PDGFC: variants seen among roughly 807,000 people sequenced by gnomAD.
PDGFC encodes the protein platelet-derived growth factor C.
In PDGFC, 12 loss-of-function variants were observed where a neutral mutation model predicts 35.5. That is an observed-to-expected ratio of 0.34 (90% CI 0.22 to 0.55). The LOEUF (loss-of-function observed/expected upper bound fraction) is 0.55. PDGFC is among the 20% of genes least tolerant of loss of function. The pLI is 0.91. For synonymous variants in PDGFC, 159 were observed against 148.8 expected (o/e 1.07, Z -0.50); for missense variants, 322 against 412.4 (o/e 0.78, Z 1.90).
Position 156,971,770 on chromosome 4 carries a change from G to T in PDGFC, c.-867C>A, listed in dbSNP as rs1255469837. ...ACGCCTCGGGCTCCGCGCTAACCTC[G>T]GGGCTACGCGCGGCGTCTCCGCACG... On this transcript the variant is annotated 5_prime_UTR_variant, in exon 1 of 6. Coordinates refer to ENST00000502773, the MANE Select transcript of PDGFC (RefSeq NM_016205.3). Among the ~76,000 whole-genome samples, 1 of 151,950 alleles carries T rather than the reference G, an allele frequency of 6.6e-6. No individual in the cohort carries two copies. Among genetic ancestry groups the T allele is most frequent in the East Asian group, 1.9e-4 (1 of 5,164 alleles).
chr4:156,843,781 C>A (rs1729261907), intron 2 of PDGFC, among the ~76,000 whole-genome samples: 1 of 152,134 alleles, frequency 6.6e-6, no homozygotes, highest in Admixed American at 6.6e-5. Context: ...AAACCACCTA[C>A]CCTCCCCAGT....
At chr4:156,897,215 T>G (rs1730652667) in intron 1 of PDGFC, among the ~76,000 whole-genome samples, 1 of 152,122 alleles carries the variant, frequency 6.6e-6, no homozygotes, top group African/African-American at 2.4e-5. Flanking sequence ...AGTCTCACTT[T>G]TTTAGTAATT....
chr4:156,778,167 G>A, intron 3 of PDGFC: 1 of 356,688 alleles, frequency 2.8e-6, no homozygotes, highest in East Asian at 8.4e-5. Context: ...CCTGTGAGGT[G>A]AGCACTATTA....
chr4:156,875,427 T>G (rs1730089620), intron 1 of PDGFC, among the ~76,000 whole-genome samples: 1 of 152,154 alleles, frequency 6.6e-6, no homozygotes, highest in African/African-American at 2.4e-5. Flanking sequence ...AATATGACCA[T>G]CACTCATGTG....
At chr4:156,823,170 G>A (rs937957740) in intron 2 of PDGFC, among the ~76,000 whole-genome samples, 4 of 152,074 alleles carry the variant, frequency 2.6e-5, no homozygotes, top group Non-Finnish European at 5.9e-5. Context: ...TTTGGGAGAC[G>A]GAGCTGAGCA....
At chr4:156,957,962 G>A (rs1403360566) in intron 1 of PDGFC, among the ~76,000 whole-genome samples, 1 of 151,928 alleles carries the variant, frequency 6.6e-6, no homozygotes, top group Non-Finnish European at 1.5e-5. Flanking sequence ...ACGTGCAAAT[G>A]ATGCTCATCT....
At chr4:156,896,097 TATTA>T (rs1334795733) in intron 1 of PDGFC, among the ~76,000 whole-genome samples, 4 of 152,190 alleles carry the variant, frequency 2.6e-5, no homozygotes, top group South Asian at 2.1e-4. Flanking sequence ...GTTAATTAAA[TATTA>T]ATTAAAGTGA....
chr4:156,847,383 C>T (rs1729351330), intron 2 of PDGFC, among the ~76,000 whole-genome samples: 1 of 151,646 alleles, frequency 6.6e-6, no homozygotes. Context: ...GTAAGCATGA[C>T]AAAACATGTG....
rs2110780259 is a variant in PDGFC at position 156,763,186 on chromosome 4, C to G, written c.942G>C (p.Lys314Asn). ...KYHEVLQLRP[K>N]TGVRGLHKSL... The stretch of plus-strand genomic sequence containing the variant: ...ATTTGTGCAATCCCCTGACACCGGT[C>G]TTTGGTCTCAACTGAAGGACCTGAA... The change falls in exon 6 of 6, where the codon AAG (lysine) becomes AAC (asparagine). Residue 314 changes from lysine (K) to asparagine (N), a missense_variant. By Grantham distance (94) the Lys-to-Asn change is moderately conservative. Around this residue, in one of 2 missense-constraint regions of PDGFC, gnomAD observed 202 missense variants for 295.9 expected, o/e 0.68. Coordinates refer to ENST00000502773, the MANE Select transcript of PDGFC (RefSeq NM_016205.3). 1.2e-6 allele frequency: 2 copies of G among 1,606,474 alleles called. No homozygotes were observed. The highest frequency in any genetic ancestry group is 1.7e-6 in the Non-Finnish European group (2 of 1,173,180).
At chr4:156,776,196 C>G (rs1444920989) in intron 3 of PDGFC, among the ~76,000 whole-genome samples, 3 of 152,196 alleles carry the variant, frequency 2.0e-5, no homozygotes, top group African/African-American at 7.2e-5. Context: ...TCATTACAGA[C>G]TAATAGCATT....
At chr4:156,933,876 T>C (rs1731613904) in intron 1 of PDGFC, among the ~76,000 whole-genome samples, 1 of 152,156 alleles carries the variant, frequency 6.6e-6, no homozygotes, top group Non-Finnish European at 1.5e-5. Flanking sequence ...CACCTTTTGT[T>C]TTCTGCCACA....
intron 1 of PDGFC, among the ~76,000 whole-genome samples, chr4:156,924,901 C>A (rs1393246169): frequency 6.6e-6 from 1 of 152,106 alleles, no homozygotes; most frequent in Non-Finnish European, 1.5e-5. Flanking sequence ...AAAAGAGGCT[C>A]AAGCCAGGAA....
chr4:156,914,626 T>C (rs1355886092), intron 1 of PDGFC, among the ~76,000 whole-genome samples: 1 of 152,166 alleles, frequency 6.6e-6, no homozygotes, highest in Non-Finnish European at 1.5e-5. Flanking sequence ...TCTTTACCAG[T>C]TGATCCATGT....
At chr4:156,805,883 C>T (rs1264117276) in intron 3 of PDGFC, among the ~76,000 whole-genome samples, 1 of 151,902 alleles carries the variant, frequency 6.6e-6, no homozygotes, top group East Asian at 1.9e-4. Context: ...TTAATAGCAC[C>T]TCAGGCATCA....
intron 2 of PDGFC, among the ~76,000 whole-genome samples, chr4:156,838,938 G>A (rs113833846): frequency 0.032 from 4,843 of 152,246 alleles, 92 homozygotes; most frequent in Admixed American, 0.065. Flanking sequence ...TGGGACCAGG[G>A]GGCCAATGCT....
chr4:156,927,280 C>G (rs1308866743), intron 1 of PDGFC, among the ~76,000 whole-genome samples: 3 of 152,158 alleles, frequency 2.0e-5, no homozygotes, highest in African/African-American at 7.2e-5. Context: ...CTATGACATG[C>G]CCTGGAGACA....
chr4:156,954,577 A>C (rs1377639534), intron 1 of PDGFC, among the ~76,000 whole-genome samples: 1 of 152,028 alleles, frequency 6.6e-6, no homozygotes, highest in African/African-American at 2.4e-5. Context: ...ATTGCAATAA[A>C]ACTTTATCCT....
intron 5 of PDGFC, among the ~76,000 whole-genome samples, chr4:156,764,920 A>G (rs1456721764): frequency 7.9e-5 from 12 of 152,110 alleles, no homozygotes; most frequent in Non-Finnish European, 1.5e-5. Context: ...ACCTGTATGC[A>G]TTTTCCCATT....
At chr4:156,778,156 A>G in intron 3 of PDGFC, 1 of 292,928 alleles carries the variant, frequency 3.4e-6, no homozygotes, top group Non-Finnish European at 7.1e-6. Flanking sequence ...AAAAGTAAAA[A>G]CCTGTGAGGT....
Sources: allele counts gnomAD v4.1 joint callset (sites outside exome capture counted in the v4.1 genomes callset), GRCh38; gene constraint gnomAD v4.1.1; regional missense constraint gnomAD v4.1.1; transcripts MANE v1.5; gene names NCBI Gene and HGNC (gene_info 2026-07-23, HGNC 2026-07-21).